Variants in PIWIL2 observed in about 807,000 individuals in gnomAD.
PIWIL2 encodes the protein piwi like RNA-mediated gene silencing 2, also known as piwi-like protein 2.
PIWIL2 carries 81 observed loss-of-function variants against 116.5 expected under a neutral mutation model. That is an observed-to-expected ratio of 0.70 (90% confidence interval 0.58 to 0.84). The LOEUF (loss-of-function observed/expected upper bound fraction) is 0.84, where lower values mean the gene tolerates loss of function less well. PIWIL2 is among the 40% of genes least tolerant of loss of function. The probability of loss-of-function intolerance (pLI) is 0.00; values close to 1 mark genes in which losing one functional copy is unlikely to be tolerated. For synonymous variants in PIWIL2, 489 were observed against 429.5 expected, an observed-to-expected ratio of 1.14 and a Z score of -1.71; for missense variants, 1,272 against 1,212.3, an observed-to-expected ratio of 1.05 and a Z score of -0.73.
chr8:22,279,230 G>C (rs1830444373), intron 1 of PIWIL2, 111 bp from the exon 2 acceptor site: 4 of 629,180 alleles, frequency 6.4e-6, no homozygotes, highest in Non-Finnish European at 1.1e-5. Flanking sequence ...TGTTGTAGAA[G>C]GCTAGGCGTG....
intron 12 of PIWIL2, among the ~76,000 whole-genome samples, chr8:22,305,266 C>T (rs1258859129): frequency 6.6e-6 from 1 of 151,920 alleles, no homozygotes; most frequent in Non-Finnish European, 1.5e-5. Context: ...AATCTCAGCT[C>T]ACTGCAAGCT....
At position 22,288,622 on chromosome 8, in the gene PIWIL2, C is replaced by T; in HGVS notation, c.942C>T (p.Pro314=). Residue 314 remains proline (P), a synonymous_variant, in exon 8 of 23, where the codon CCC becomes CCT. Transcript: ENST00000356766. ...IKIQMTKILE[P]CSDLCIPFYN... ...TTCAGATGACAAAGATCCTGGAGCC[C>T]TGCTCTGACCTGTGCATTCCCTTCT... The T allele has an allele frequency of 1.2e-6, 2 of 1,613,634 alleles. No individual in the cohort carries two copies. Among genetic ancestry groups the T allele is most frequent in the Non-Finnish European group, 1.7e-6 (2 of 1,179,576 alleles).
intron 12 of PIWIL2, among the ~76,000 whole-genome samples, chr8:22,305,172 C>CATTCATTTATTTATTTATTT (rs35865110): frequency 3.5e-5 from 5 of 143,940 alleles, no homozygotes; most frequent in South Asian, 2.3e-4. Context: ...TATAGATATT[C>CATTCATTTATTTATTTATTT]ATTTATTTAT....
chr8:22,338,065 C>T (rs969852198), intron 20 of PIWIL2, among the ~76,000 whole-genome samples: 46 of 151,372 alleles, frequency 3.0e-4, no homozygotes, highest in Admixed American at 3.3e-4. Context: ...CTGCTACAGC[C>T]TGTGTGACAA....
At chr8:22,296,334 C>T (rs940158056) in intron 10 of PIWIL2, among the ~76,000 whole-genome samples, 5 of 152,114 alleles carry the variant, frequency 3.3e-5, no homozygotes, top group East Asian at 3.9e-4. Flanking sequence ...CATGAGCCAC[C>T]GCGCCTGGCC....
chr8:22,341,595 C>CA (rs34495366), intron 20 of PIWIL2, among the ~76,000 whole-genome samples: 55,256 of 99,182 alleles, frequency 0.56, 14,518 homozygotes, highest in East Asian at 0.81. Flanking sequence ...AACTCCGTCT[C>CA]AAAAAAAAAA....
At chr8:22,319,359 A>C (rs894010897) in intron 20 of PIWIL2, among the ~76,000 whole-genome samples, 1 of 152,200 alleles carries the variant, frequency 6.6e-6, no homozygotes, top group African/African-American at 2.4e-5. Flanking sequence ...TGAGTCACCA[A>C]GTTCTACCAG....
chr8:22,329,121 C>T (rs191517897), intron 20 of PIWIL2, among the ~76,000 whole-genome samples: 1 of 152,080 alleles, frequency 6.6e-6, no homozygotes, highest in Admixed American at 6.6e-5. Context: ...TTTCCTTTAT[C>T]ATGTTAAGAA....
intron 20 of PIWIL2, among the ~76,000 whole-genome samples, chr8:22,326,430 G>A (rs1006795518): frequency 2.0e-5 from 3 of 152,112 alleles, no homozygotes; most frequent in African/African-American, 4.8e-5. Flanking sequence ...GCTGAGGTAA[G>A]AGGATCTCTA....
At chr8:22,320,377 A>G (rs1831569861) in intron 20 of PIWIL2, among the ~76,000 whole-genome samples, 1 of 146,852 alleles carries the variant, frequency 6.8e-6, no homozygotes, top group African/African-American at 2.5e-5. Flanking sequence ...AAGCAATTCA[A>G]CTGCCTCAGC....
Position 22,288,627 on chromosome 8 carries a change from C to G in PIWIL2, c.947C>G (p.Ser316Cys). The change falls in exon 8 of 23, where the codon TCT becomes TGT. Residue 316 changes from serine (S) to cysteine (C), a missense_variant. Transcript: ENST00000356766. ...ATGACAAAGATCCTGGAGCCCTGCT[C>G]TGACCTGTGCATTCCCTTCTACAAT... ...IQMTKILEPC[S>C]DLCIPFYNVV... 6.2e-7 allele frequency: 1 copy of G among 1,613,666 alleles called. No homozygotes were observed. The highest frequency in any genetic ancestry group is 8.5e-7 in the Non-Finnish European group (1 of 1,179,596).
At chr8:22,344,729 A>G (rs1038795824) in intron 20 of PIWIL2, among the ~76,000 whole-genome samples, 1 of 152,240 alleles carries the variant, frequency 6.6e-6, no homozygotes, top group East Asian at 1.9e-4. Flanking sequence ...AAAATAAATT[A>G]TCTGGTCATG....
At chr8:22,320,318 C>T (rs1459192435) in intron 20 of PIWIL2, among the ~76,000 whole-genome samples, 1 of 133,538 alleles carries the variant, frequency 7.5e-6, no homozygotes, top group African/African-American at 2.7e-5. Context: ...GGCTGGAGTA[C>T]AGTGGCGCAA....
Position 22,287,562 on chromosome 8 carries a change from A to C in PIWIL2, c.778A>C (p.Met260Leu). The C allele has an allele frequency of 6.2e-7, 1 of 1,613,814 alleles. No individual in the cohort carries two copies. Among genetic ancestry groups the C allele is most frequent in the Non-Finnish European group, 8.5e-7 (1 of 1,179,674 alleles). ...GGAGTGCAAAAGCATGAGGTTCGGC[A>C]TGTTGAAGGACCATCAAGCTGTCAC... ...NVECKSMRFG[M>L]LKDHQAVTGN... Residue 260 changes from methionine (M) to leucine (L), a missense_variant, in exon 7 of 23, where the codon ATG becomes CTG. By Grantham distance (15) the Met-to-Leu change is conservative. Transcript: ENST00000356766.
intron 20 of PIWIL2, among the ~76,000 whole-genome samples, chr8:22,335,072 A>AAAAAAAAT (rs34666629): frequency 6.8e-6 from 1 of 146,246 alleles, no homozygotes; most frequent in African/African-American, 2.5e-5. Context: ...AAAAAAAAAA[A>AAAAAAAAT]GTCAATTTTA....
chr8:22,279,638 C>G, intron 2 of PIWIL2, 54 bp downstream of exon 2: 1 of 1,505,700 alleles, frequency 6.6e-7, no homozygotes, highest in African/African-American at 1.4e-5. Flanking sequence ...TGTGTGCCGT[C>G]AGAGGAAGTA....
At chr8:22,319,400 T>C (rs1831543222) in intron 20 of PIWIL2, among the ~76,000 whole-genome samples, 1 of 152,210 alleles carries the variant, frequency 6.6e-6, no homozygotes, top group African/African-American at 2.4e-5. Flanking sequence ...TCTAATTGTT[T>C]TCCTTCGAAG....
At chr8:22,343,275 A>G (rs750500960) in intron 20 of PIWIL2, among the ~76,000 whole-genome samples, 56 of 152,182 alleles carry the variant, frequency 3.7e-4, no homozygotes, top group Non-Finnish European at 6.5e-4. Flanking sequence ...GTGGTGGCGC[A>G]TGACTGTAAT....
intron 18 of PIWIL2, among the ~76,000 whole-genome samples, chr8:22,315,756 A>C (rs748588771): frequency 6.6e-6 from 1 of 152,228 alleles, no homozygotes; most frequent in Non-Finnish European, 1.5e-5. Flanking sequence ...CATACTGTCC[A>C]TGACTGCTTT....
Sources: gnomAD v4.1 joint callset for allele counts (sites outside exome capture counted in the v4.1 genomes callset) on GRCh38, gnomAD v4.1.1 for gene constraint, MANE v1.5 for transcripts, NCBI Gene and HGNC (gene_info 2026-07-23, HGNC 2026-07-21) for gene names.